The following GALNT13 variants were observed in gnomAD, a reference collection of about 807,000 sequenced individuals.
GALNT13 encodes UDP-GalNAc:polypeptide N-acetylgalactosaminyltransferase 13.
GALNT13 carries 28 observed loss-of-function variants against 64.2 expected under a neutral mutation model. The ratio of observed to expected loss-of-function variants is 0.44; its 90% CI spans 0.32 to 0.60. GALNT13 has a LOEUF of 0.60. GALNT13 is among the 20% of genes least tolerant of loss of function. The pLI is 0.05. For missense variants in GALNT13, 577 were observed against 669.8 expected (o/e 0.86, Z 1.53); for synonymous variants, 214 against 224.6 (o/e 0.95, Z 0.42).
chr2:153,842,859 T>A, the GALNT13 span, among the ~76,000 whole-genome samples: 3 of 152,146 alleles, frequency 2.0e-5, no homozygotes, highest in East Asian at 1.9e-4. Flanking sequence ...GAAGCATATC[T>A]GACAAGATTC....
chr2:153,069,342 T>C, the GALNT13 span, among the ~76,000 whole-genome samples: 4 of 152,186 alleles, frequency 2.6e-5, no homozygotes, highest in Non-Finnish European at 5.9e-5. Context: ...ATTCTTTTTT[T>C]GTAAGGTCCT....
chr2:153,222,394 G>A, the GALNT13 span, among the ~76,000 whole-genome samples: 1 of 69,286 alleles, frequency 1.4e-5, no homozygotes, highest in Admixed American at 1.5e-4. Context: ...TGGTCCATGG[G>A]TGGCCATGGC....
intron 3 of GALNT13, among the ~76,000 whole-genome samples, chr2:154,017,739 A>G (rs2105266833): frequency 6.6e-6 from 1 of 152,328 alleles, no homozygotes; most frequent in Admixed American, 6.5e-5. Flanking sequence ...ATAAAGAACA[A>G]GTTTTACTAT....
At chr2:153,362,553 C>CAAAAAAAAAAAAAAAAA in the GALNT13 span, among the ~76,000 whole-genome samples, 3 of 80,320 alleles carry the variant, frequency 3.7e-5, 1 homozygote, top group Non-Finnish European at 2.3e-5. Context: ...AAATGGAGAG[C>CAAAAAAAAAAAAAAAAA]AAAAAAAAAA....
chr2:154,450,752 A>G lies in GALNT13; in HGVS notation c.*201A>G. 2.1e-6 allele frequency: 1 copy of G among 469,130 alleles called. No individual in the cohort carries two copies. The highest frequency in any genetic ancestry group is 3.7e-6 in the Non-Finnish European group (1 of 269,322). 29.1% of individuals were successfully genotyped at this position (469,130 alleles called of 1,614,324 possible). On this transcript the variant is annotated 3_prime_UTR_variant, in exon 13 of 13. Coordinates refer to ENST00000392825, the MANE Select transcript of GALNT13 (RefSeq NM_052917.4). ...GTATCTGATCAAAGCACATAAGAAT[A>G]TAAATAATAGCAAACTACTATTAAA...
chr2:153,997,075 G>T (rs1179476653), intron 3 of GALNT13, among the ~76,000 whole-genome samples: 2 of 151,928 alleles, frequency 1.3e-5, no homozygotes, highest in African/African-American at 4.8e-5. Flanking sequence ...GTTACTGTGG[G>T]TTTGTGGTAT....
chr2:154,129,154 C>T (rs1682467975), intron 3 of GALNT13, among the ~76,000 whole-genome samples: 5 of 151,960 alleles, frequency 3.3e-5, no homozygotes, highest in Admixed American at 3.3e-4. Flanking sequence ...CTATATGTGC[C>T]TCACCATCCT....
chr2:153,493,595 A>G, the GALNT13 span, among the ~76,000 whole-genome samples: 1 of 151,974 alleles, frequency 6.6e-6, no homozygotes, highest in African/African-American at 2.4e-5. Context: ...TTTTCAGAAA[A>G]ATAGGATAAT....
At chr2:154,239,548 G>T (rs1689370941) in intron 4 of GALNT13, among the ~76,000 whole-genome samples, 1 of 152,068 alleles carries the variant, frequency 6.6e-6, no homozygotes, top group African/African-American at 2.4e-5. Context: ...TTACCAAGAT[G>T]ACTTTCTAAG....
At chr2:153,411,710 G>A in the GALNT13 span, among the ~76,000 whole-genome samples, 13 of 152,160 alleles carry the variant, frequency 8.5e-5, no homozygotes, top group African/African-American at 3.1e-4. Context: ...AAGGAAAGAA[G>A]GGTGGTGTGA....
At chr2:154,402,082 A>G (rs1205412213) in intron 10 of GALNT13, among the ~76,000 whole-genome samples, 1 of 152,234 alleles carries the variant, frequency 6.6e-6, no homozygotes, top group Non-Finnish European at 1.5e-5. Context: ...GAGAAAACAA[A>G]TGAGGTTGAC....
the GALNT13 span, among the ~76,000 whole-genome samples, chr2:153,396,664 C>CTT: frequency 1.1e-4 from 17 of 152,092 alleles, no homozygotes; most frequent in Admixed American, 1.0e-3. Context: ...CATACAGTGA[C>CTT]TTGTACAAGA....
chr2:153,539,287 C>T, the GALNT13 span, among the ~76,000 whole-genome samples: 20 of 152,106 alleles, frequency 1.3e-4, no homozygotes, highest in East Asian at 2.1e-3. Flanking sequence ...AGATTCTGGA[C>T]ATTAGCCCTT....
rs892914507 is a variant in GALNT13 at position 154,395,541 on chromosome 2, C to T, written c.1157-450C>T. 3.9e-5 allele frequency among the ~76,000 whole-genome samples: 6 copies of T among 152,118 alleles called. 1 individual carries two copies. Among genetic ancestry groups the T allele is most frequent in the South Asian group, 4.1e-4 (2 of 4,820 alleles). ...AAAAGAACATATGTACAGTCTATTA[C>T]GTGAATTATTCTATATAAATTTCGT... is the stretch of plus-strand genomic sequence containing the variant. On this transcript the variant is annotated intron_variant, in intron 9 of 12. Transcript: ENST00000392825.
At position 154,327,589 on chromosome 2, in the gene GALNT13, C is replaced by T. The variant is rs1469445985; in HGVS notation, c.1156+26000C>T. On this transcript the variant is annotated intron_variant, in intron 9 of 12. Transcript: ENST00000392825. Reference sequence around the variant, plus strand: ...TGCACTTTTATTTGGATGGAGTACTCTTTAATTTTAATAATACATTCTGAA... The same window carrying T: ...TGCACTTTTATTTGGATGGAGTACTTTTTAATTTTAATAATACATTCTGAA... 4.6e-5 allele frequency among the ~76,000 whole-genome samples: 7 copies of T among 152,170 alleles called. No homozygotes were observed. In the East Asian group the frequency reaches 1.4e-3, roughly 30 times the overall value.
chr2:153,489,845 C>A, the GALNT13 span, among the ~76,000 whole-genome samples: 3 of 152,014 alleles, frequency 2.0e-5, no homozygotes, highest in Non-Finnish European at 4.4e-5. Context: ...TCTTAGCATG[C>A]ATAGTTAGGT....
chr2:153,401,176 G>A, the GALNT13 span, among the ~76,000 whole-genome samples: 3 of 152,036 alleles, frequency 2.0e-5, no homozygotes, highest in African/African-American at 4.8e-5. Context: ...CCTTTATTTC[G>A]TTATGTACCC....
chr2:154,450,964 A>G lies in GALNT13; in HGVS notation c.*413A>G, dbSNP rs973423353. The G allele has an allele frequency of 6.4e-6, 1 of 155,142 alleles. No individual in the cohort carries two copies. The highest frequency in any genetic ancestry group is 2.4e-5 in the African/African-American group (1 of 41,464). 9.6% of individuals were successfully genotyped at this position (155,142 alleles called of 1,614,324 possible). On this transcript the variant is annotated 3_prime_UTR_variant, in exon 13 of 13. Transcript: ENST00000392825. ...GTTGCTTTATAAACTCACTCTTTTTATGGATCCTTCATGGAAACATGTTTG... is the reference window on the plus strand; with the variant it reads ...GTTGCTTTATAAACTCACTCTTTTTGTGGATCCTTCATGGAAACATGTTTG...
chr2:154,355,036 T>C (rs1292642108), intron 9 of GALNT13, among the ~76,000 whole-genome samples: 1 of 152,062 alleles, frequency 6.6e-6, no homozygotes, highest in African/African-American at 2.4e-5. Context: ...CCATTTAATT[T>C]TTACCTTTTC....
Sources: gnomAD v4.1 joint callset for allele counts (sites outside exome capture counted in the v4.1 genomes callset) on GRCh38, gnomAD v4.1.1 for gene constraint, MANE v1.5 for transcripts, NCBI Gene and HGNC (gene_info 2026-07-23, HGNC 2026-07-21) for gene names.